The following SHANK2 variants were observed in gnomAD, a reference collection of about 807,000 sequenced individuals.
SHANK2 encodes the protein SH3 and multiple ankyrin repeat domains 2, also known as SH3 and multiple ankyrin repeat domains protein 2.
A neutral mutation model predicts 133.7 loss-of-function variants in SHANK2; 43 were observed. The ratio of observed to expected loss-of-function variants is 0.32; its 90% confidence interval spans 0.25 to 0.41. The LOEUF (loss-of-function observed/expected upper bound fraction) is 0.41, where lower values mean the gene tolerates loss of function less well. Ranked by LOEUF, SHANK2 falls within the 10% of genes least tolerant of loss-of-function variation. The pLI is 1.00. For synonymous variants in SHANK2, 1,017 were observed against 952.8 expected (o/e 1.07, Z -1.24); for missense variants, 1,994 against 2,235.8 (o/e 0.89, Z 2.18).
At chr11:70,538,399 C>T (rs1310191685) in intron 17 of SHANK2, among the ~76,000 whole-genome samples, 2 of 152,258 alleles carry the variant, frequency 1.3e-5, no homozygotes, top group Non-Finnish European at 2.9e-5. Context: ...CTTGCCAGGC[C>T]TCTTGTGGAC....
At chr11:71,086,710 C>T (rs36167652) in intron 8 of SHANK2, among the ~76,000 whole-genome samples, 107,938 of 151,522 alleles carry the variant, frequency 0.71, 39,541 homozygotes, top group Middle Eastern at 0.8. Context: ...TGGCATTTAC[C>T]GGGCCACTTG....
chr11:70,789,737 T>A (rs1555047505), intron 14 of SHANK2, among the ~76,000 whole-genome samples: 1 of 152,222 alleles, frequency 6.6e-6, no homozygotes, highest in Non-Finnish European at 1.5e-5. Context: ...CAGTCTGAGC[T>A]GCCTGGCTGT....
chr11:70,817,066 A>G (rs1948414817), intron 12 of SHANK2, among the ~76,000 whole-genome samples: 1 of 152,190 alleles, frequency 6.6e-6, no homozygotes, highest in Non-Finnish European at 1.5e-5. Context: ...CTATGCAGGG[A>G]CAGAACACAA....
At chr11:70,736,439 G>T (rs1292090167) in intron 14 of SHANK2, among the ~76,000 whole-genome samples, 1 of 152,164 alleles carries the variant, frequency 6.6e-6, no homozygotes. Flanking sequence ...TCCCAGGGGG[G>T]TCTTAAATCC....
At chr11:71,171,069 T>C (rs1043086928) in intron 2 of SHANK2, among the ~76,000 whole-genome samples, 5 of 152,210 alleles carry the variant, frequency 3.3e-5, no homozygotes, top group African/African-American at 9.6e-5. Flanking sequence ...TTCTAGCTGC[T>C]CTCAGCACGG....
intron 3 of SHANK2, among the ~76,000 whole-genome samples, chr11:71,125,812 C>T (rs1257272177): frequency 1.3e-5 from 2 of 152,186 alleles, no homozygotes; most frequent in East Asian, 3.9e-4. Context: ...CAACATCTGG[C>T]TTAAAAGCTT....
chr11:70,727,761 C>G (rs1946205738), intron 14 of SHANK2, among the ~76,000 whole-genome samples: 1 of 152,142 alleles, frequency 6.6e-6, no homozygotes, highest in African/African-American at 2.4e-5. Context: ...GGTTGGGGGC[C>G]CCAGCCCTAC....
intron 11 of SHANK2, among the ~76,000 whole-genome samples, chr11:70,828,580 C>T (rs1271129341): frequency 2.6e-5 from 4 of 152,238 alleles, no homozygotes; most frequent in Admixed American, 6.5e-5. Flanking sequence ...TCCCCCACTT[C>T]GGGAGGCCTG....
intron 11 of SHANK2, among the ~76,000 whole-genome samples, chr11:70,876,080 C>T (rs545471547): frequency 4.2e-4 from 63 of 151,030 alleles, no homozygotes; most frequent in African/African-American, 1.4e-3. Flanking sequence ...CACTTGAACC[C>T]GGGAGGTGGA....
chr11:71,119,315 C>T (rs1228697529), intron 3 of SHANK2, among the ~76,000 whole-genome samples: 2 of 152,200 alleles, frequency 1.3e-5, no homozygotes, highest in Non-Finnish European at 2.9e-5. Context: ...GGTGCGGTGG[C>T]TCACGCCTGT....
chr11:70,482,732 G>A (rs531975117), intron 25 of SHANK2, among the ~76,000 whole-genome samples: 2 of 152,322 alleles, frequency 1.3e-5, no homozygotes, highest in African/African-American at 2.4e-5. Flanking sequence ...GCTGGGAGGC[G>A]GCCGTTCTTG....
chr11:71,073,289 G>A (rs1326780491), intron 9 of SHANK2, among the ~76,000 whole-genome samples: 12 of 151,388 alleles, frequency 7.9e-5, no homozygotes, highest in African/African-American at 2.4e-4. Context: ...CTCCCGAGTC[G>A]CTGGGATTAC....
chr11:70,698,036 A>T (rs1419936890), intron 15 of SHANK2: 1 of 152,984 alleles, frequency 6.5e-6, no homozygotes, highest in Non-Finnish European at 1.5e-5. Context: ...CCTCCCCTGC[A>T]GGCACCCCCC....
intron 3 of SHANK2, among the ~76,000 whole-genome samples, chr11:71,135,229 A>G (rs1952413573): frequency 6.6e-6 from 1 of 152,000 alleles, no homozygotes; most frequent in African/African-American, 2.4e-5. Context: ...AAATGAATTC[A>G]CTCACTCCAT....
chr11:70,869,750 G>A (rs1008784839), intron 11 of SHANK2, among the ~76,000 whole-genome samples: 2 of 152,318 alleles, frequency 1.3e-5, no homozygotes, highest in South Asian at 2.1e-4. Flanking sequence ...TCCTCCCCCA[G>A]ACAGGGGGCT....
intron 11 of SHANK2, among the ~76,000 whole-genome samples, chr11:70,880,151 G>T (rs1949637072): frequency 6.6e-6 from 1 of 152,212 alleles, no homozygotes; most frequent in African/African-American, 2.4e-5. Context: ...TCACCTGCTA[G>T]CCTGGGCATA....
intron 3 of SHANK2, among the ~76,000 whole-genome samples, chr11:71,143,237 AAAAC>A (rs200534791): frequency 9.2e-5 from 14 of 152,166 alleles, no homozygotes; most frequent in African/African-American, 2.2e-4. Flanking sequence ...TCCATCTCAA[AAAAC>A]AAACAAACAA....
At chr11:70,905,655 C>T (rs528614929) in intron 10 of SHANK2, among the ~76,000 whole-genome samples, 23 of 152,240 alleles carry the variant, frequency 1.5e-4, no homozygotes, top group Non-Finnish European at 2.2e-4. Context: ...TCACCCCTTC[C>T]GCCATGTGAG....
intron 9 of SHANK2, among the ~76,000 whole-genome samples, chr11:71,057,720 T>G (rs1950936904): frequency 6.6e-6 from 1 of 151,518 alleles, no homozygotes; most frequent in African/African-American, 2.4e-5. Context: ...CCAGCTAATT[T>G]TTTTTTTTTG....
Sources: gnomAD v4.1 joint callset for allele counts (sites outside exome capture counted in the v4.1 genomes callset) on GRCh38, gnomAD v4.1.1 for gene constraint, MANE v1.5 for transcripts, NCBI Gene and HGNC (gene_info 2026-07-23, HGNC 2026-07-21) for gene names.